NPSR1: variants seen among roughly 807,000 people sequenced by gnomAD.
NPSR1 encodes neuropeptide S receptor 1, also known as neuropeptide S receptor.
NPSR1 carries 48 observed loss-of-function variants against 46.9 expected under a neutral mutation model. The ratio of observed to expected loss-of-function variants is 1.02; its 90% CI spans 0.81 to 1.30. The LOEUF (loss-of-function observed/expected upper bound fraction) is 1.30. NPSR1 is among the 50% of genes most tolerant of loss of function. The probability of loss-of-function intolerance (pLI) is 0.00; values close to 1 mark genes in which losing one functional copy is unlikely to be tolerated. For missense variants in NPSR1, 450 were observed against 449.5 expected, an observed-to-expected ratio of 1.00 and a Z score of -0.01; for synonymous variants, 176 against 168.1, an observed-to-expected ratio of 1.05 and a Z score of -0.36.
downstream of NPSR1, among the ~76,000 whole-genome samples, chr7:34,853,577 A>G (rs1417770220): frequency 2.0e-5 from 3 of 152,246 alleles, no homozygotes; most frequent in Admixed American, 6.5e-5. Flanking sequence ...ACAGAATGTT[A>G]AAGTGGATGG....
chr7:34,867,871 G>A (rs1324372537), intron 8 of NPSR1, among the ~76,000 whole-genome samples: 6 of 151,858 alleles, frequency 4.0e-5, no homozygotes, highest in Admixed American at 3.9e-4. Context: ...TCCAAAATCT[G>A]TAGAATAAAT....
chr7:34,765,883 G>A lies in NPSR1; in HGVS notation c.281-12579G>A, dbSNP rs557098675. ...CATGGACATAAAGATGGCAACAGTA[G>A]AGGGGAAAAGGAAGAACTAGAGCAA... is the stretch of plus-strand genomic sequence containing the variant. On this transcript the variant is annotated intron_variant, in intron 2 of 8. Transcript: ENST00000360581. 3.3e-5 allele frequency among the ~76,000 whole-genome samples: 5 copies of A among 152,280 alleles called. No individual in the cohort carries two copies. In the South Asian group the frequency reaches 1.0e-3, roughly 32 times the overall value.
intron 3 of NPSR1, among the ~76,000 whole-genome samples, chr7:34,803,187 T>C (rs1214934762): frequency 6.6e-6 from 1 of 151,766 alleles, no homozygotes; most frequent in Non-Finnish European, 1.5e-5. Context: ...GAACTAGAAA[T>C]ACCATTTGAC....
chr7:34,792,600 T>C (rs1472807779), intron 3 of NPSR1, among the ~76,000 whole-genome samples: 4 of 132,922 alleles, frequency 3.0e-5, no homozygotes, highest in African/African-American at 1.1e-4. Flanking sequence ...TACGTATATA[T>C]GTGTGTGTAT....
intron 8 of NPSR1, among the ~76,000 whole-genome samples, chr7:34,871,744 C>T (rs1400987929): frequency 6.6e-6 from 1 of 151,942 alleles, no homozygotes; most frequent in Non-Finnish European, 1.5e-5. Context: ...TTTTAAAGCT[C>T]CAAAATAATC....
chr7:34,703,349 T>C (rs7357250), intron 2 of NPSR1, among the ~76,000 whole-genome samples: 57,548 of 151,726 alleles, frequency 0.38, 11,515 homozygotes, highest in African/African-American at 0.49. Flanking sequence ...CCAGCCTGGG[T>C]GACAGAGCAA....
intron 3 of NPSR1, among the ~76,000 whole-genome samples, chr7:34,791,264 G>GTTATATGTTATATATTATATT (rs1787865582): frequency 8.8e-6 from 1 of 113,662 alleles, no homozygotes; most frequent in Non-Finnish European, 1.8e-5. Context: ...TATATTATAT[G>GTTATATGTTATATATTATATT]TTATAAGTTA....
intron 3 of NPSR1, among the ~76,000 whole-genome samples, chr7:34,808,270 G>A (rs1022940656): frequency 5.3e-5 from 8 of 152,126 alleles, no homozygotes; most frequent in Non-Finnish European, 7.4e-5. Flanking sequence ...AGAGCTGTGC[G>A]AGAATAAATT....
At chr7:34,704,873 C>T (rs73326707) in intron 2 of NPSR1, among the ~76,000 whole-genome samples, 4,371 of 152,226 alleles carry the variant, frequency 0.029, 65 homozygotes, top group African/African-American at 0.036. Flanking sequence ...CAGTTATGAA[C>T]CAAGTTCTGG....
At chr7:34,678,704 C>T (rs987007166) in intron 1 of NPSR1, among the ~76,000 whole-genome samples, 1 of 151,738 alleles carries the variant, frequency 6.6e-6, no homozygotes, top group Admixed American at 6.6e-5. Context: ...TGGTTGCCTG[C>T]AGTCCCATCT....
intron 8 of NPSR1, among the ~76,000 whole-genome samples, chr7:34,877,651 G>T (rs7805675): frequency 2.6e-5 from 4 of 152,082 alleles, no homozygotes; most frequent in African/African-American, 9.7e-5. Flanking sequence ...CGGCCGTCAG[G>T]GTAGAATTGG....
intron 6 of NPSR1, among the ~76,000 whole-genome samples, chr7:34,836,830 T>C (rs926037327): frequency 6.6e-6 from 1 of 152,090 alleles, no homozygotes; most frequent in Non-Finnish European, 1.5e-5. Flanking sequence ...GATCTGAATA[T>C]CCTACAATGA....
intron 2 of NPSR1, among the ~76,000 whole-genome samples, chr7:34,730,120 G>A (rs1157233453): frequency 1.3e-5 from 2 of 152,138 alleles, no homozygotes; most frequent in Non-Finnish European, 2.9e-5. Flanking sequence ...GAAGAAAATC[G>A]CACAAGTTTA....
intron 2 of NPSR1, among the ~76,000 whole-genome samples, chr7:34,740,506 C>A (rs888860598): frequency 6.6e-6 from 1 of 152,096 alleles, no homozygotes; most frequent in Non-Finnish European, 1.5e-5. Context: ...TCTGGCAGCA[C>A]TCCCCAAGGA....
intron 1 of NPSR1, among the ~76,000 whole-genome samples, chr7:34,684,196 C>T (rs1792802018): frequency 6.6e-6 from 1 of 152,246 alleles, no homozygotes; most frequent in Admixed American, 6.5e-5. Flanking sequence ...CTTAGCTACC[C>T]TATTATCTTT....
chr7:34,758,532 C>G (rs1785995168), intron 2 of NPSR1, among the ~76,000 whole-genome samples: 1 of 152,202 alleles, frequency 6.6e-6, no homozygotes, highest in Admixed American at 6.5e-5. Context: ...GCCAGCTCTT[C>G]CCCTATGGGT....
At chr7:34,877,014 G>GC (rs925986078) in intron 8 of NPSR1, among the ~76,000 whole-genome samples, 1 of 152,188 alleles carries the variant, frequency 6.6e-6, no homozygotes, top group Non-Finnish European at 1.5e-5. Context: ...ACCTGGGCCT[G>GC]CCCCCCACTC....
At chr7:34,852,159 G>C (rs1291120191), downstream of NPSR1, among the ~76,000 whole-genome samples, 1 of 152,124 alleles carries the variant, frequency 6.6e-6, no homozygotes, top group African/African-American at 2.4e-5. Context: ...GATTAGCCAG[G>C]CATGGTGGCT....
intron 2 of NPSR1, among the ~76,000 whole-genome samples, chr7:34,733,347 A>T (rs1784517219): frequency 6.6e-6 from 1 of 150,770 alleles, no homozygotes; most frequent in Non-Finnish European, 1.5e-5. Context: ...TGAACTCGGG[A>T]GGTGGAAGTT....
Sources: gnomAD v4.1 joint callset for allele counts (sites outside exome capture counted in the v4.1 genomes callset) on GRCh38, gnomAD v4.1.1 for gene constraint, MANE v1.5 for transcripts, NCBI Gene and HGNC (gene_info 2026-07-23, HGNC 2026-07-21) for gene names.